The following NDST4 variants were observed in gnomAD, a reference collection of about 807,000 sequenced individuals.
NDST4 encodes N-deacetylase and N-sulfotransferase 4, also known as N-heparan sulfate sulfotransferase 4.
Under a neutral mutation model 100.8 loss-of-function variants are expected in NDST4, and 63 were observed. That is an observed-to-expected ratio of 0.62 (90% CI 0.51 to 0.77). The LOEUF is 0.77. Ranked by LOEUF, NDST4 falls within the 30% of genes least tolerant of loss-of-function variation. The probability of loss-of-function intolerance (pLI) is 0.00; values close to 1 mark genes in which losing one functional copy is unlikely to be tolerated. For synonymous variants in NDST4, 377 were observed against 361.8 expected (o/e 1.04, Z -0.48); for missense variants, 943 against 1,018.4 (o/e 0.93, Z 1.01).
At position 115,076,443 on chromosome 4, in the gene NDST4, T is replaced by C. The variant is rs752844171; in HGVS notation, c.594A>G (p.Gln198=). 9 of 1,613,900 alleles carry C rather than the reference T, an allele frequency of 5.6e-6. No individual in the cohort carries two copies. Among genetic ancestry groups the C allele is most frequent in the African/African-American group, 2.7e-5 (2 of 75,032 alleles). Residue 198 remains glutamine, a synonymous_variant, in exon 2 of 14, where the codon CAA becomes CAG. Coordinates refer to ENST00000264363, the MANE Select transcript of NDST4 (RefSeq NM_022569.3). ...LALKDCFVNP[Q]SPLLHITKAP... ...CTTTGGTAATATGCAGCAAAGGAGATTGAGGGTTAACAAAACAGTCCTTTA... is the reference window on the plus strand; with the variant it reads ...CTTTGGTAATATGCAGCAAAGGAGACTGAGGGTTAACAAAACAGTCCTTTA...
chr4:114,827,843 C>A lies in NDST4; in HGVS notation c.2592G>T (p.Leu864=). ...ATCTCACTTTCTGCAGTTCCTGTCT[C>A]AGCCACGATGGCAGAGGCTGTCCCA... ...HRLGQPLPSW[L]RQELQKVR The change falls in exon 14 of 14, where the codon CTG becomes CTT. Residue 864 remains leucine (L), a synonymous_variant. Transcript: ENST00000264363. 6.2e-7 allele frequency: 1 copy of A among 1,612,040 alleles called. No homozygotes were observed. Among genetic ancestry groups the A allele is most frequent in the South Asian group, 1.1e-5 (1 of 90,832 alleles).
chr4:115,009,015 C>T lies in NDST4; in HGVS notation c.979-31741G>A, dbSNP rs1313799192. ...CCTCTTCAAGGAGAACTACAAACCA[C>T]TGCTCAATGAAATAAAAGAGGATAC... is the stretch of plus-strand genomic sequence containing the variant. On this transcript the variant is annotated intron_variant, in intron 2 of 13. Transcript: ENST00000264363. Among the ~76,000 whole-genome samples the T allele has an allele frequency of 1.6e-5, 2 of 126,122 alleles. 1 individual carries two copies. Among genetic ancestry groups the T allele is most frequent in the African/African-American group, 6.0e-5 (2 of 33,208 alleles). 82.7% of individuals were successfully genotyped at this position (126,122 alleles called of 152,430 possible). A position where few individuals can be genotyped will look rare whatever the true frequency, so the allele number is the denominator to read the frequency against.
chr4:115,109,129 AAG>A (rs1388353367), intron 1 of NDST4, among the ~76,000 whole-genome samples: 1 of 151,670 alleles, frequency 6.6e-6, no homozygotes, highest in South Asian at 2.1e-4. Flanking sequence ...AGAATAGAAA[AAG>A]AGAGGAAGGG....
chr4:115,014,673 T>C (rs1053645503), intron 2 of NDST4, among the ~76,000 whole-genome samples: 3 of 151,948 alleles, frequency 2.0e-5, no homozygotes, highest in Admixed American at 1.3e-4. Context: ...GTGCTTGGAG[T>C]ATCGATGGCA....
intron 6 of NDST4, among the ~76,000 whole-genome samples, chr4:114,914,796 C>T (rs1287922691): frequency 1.3e-5 from 2 of 152,086 alleles, no homozygotes; most frequent in African/African-American, 4.8e-5. Flanking sequence ...CCAGTCCATG[C>T]TTTTAATCAC....
At chr4:114,860,626 C>T (rs1173362067) in intron 7 of NDST4, among the ~76,000 whole-genome samples, 2 of 152,172 alleles carry the variant, frequency 1.3e-5, no homozygotes, top group East Asian at 3.9e-4. Context: ...GTCTGAGCCC[C>T]TAGGTGATCA....
chr4:114,897,498 T>G (rs1724741337), intron 6 of NDST4, among the ~76,000 whole-genome samples: 1 of 152,206 alleles, frequency 6.6e-6, no homozygotes, highest in African/African-American at 2.4e-5. Context: ...ATCTTGTTTC[T>G]TCCAAGATTT....
At chr4:114,992,800 G>A (rs1055915925) in intron 2 of NDST4, among the ~76,000 whole-genome samples, 1 of 151,704 alleles carries the variant, frequency 6.6e-6, no homozygotes, top group African/African-American at 2.4e-5. Flanking sequence ...TGCTTAACCA[G>A]TCTCTAAATC....
At chr4:114,970,699 T>G in intron 3 of NDST4, 115 bp from the exon 4 acceptor site, 1 of 880,130 alleles carries the variant, frequency 1.1e-6, no homozygotes, top group East Asian at 2.7e-5. Flanking sequence ...TCCAATTCTG[T>G]GGGCTTTTTA....
At chr4:114,950,895 T>C (rs1725975794) in intron 4 of NDST4, among the ~76,000 whole-genome samples, 1 of 151,992 alleles carries the variant, frequency 6.6e-6, no homozygotes, top group Non-Finnish European at 1.5e-5. Context: ...TTATTCTTCA[T>C]GCATTCTCCC....
intron 7 of NDST4, among the ~76,000 whole-genome samples, chr4:114,855,796 A>G (rs28647687): frequency 0.044 from 6,629 of 152,172 alleles, 412 homozygotes; most frequent in South Asian, 0.18. Flanking sequence ...ATTATTTTTT[A>G]TATTTCTGTG....
At chr4:115,109,513 T>C (rs1729899177) in intron 1 of NDST4, among the ~76,000 whole-genome samples, 1 of 151,882 alleles carries the variant, frequency 6.6e-6, no homozygotes, top group African/African-American at 2.4e-5. Context: ...CTAAACAGAG[T>C]ACAAATTGGA....
At chr4:115,111,499 TA>T (rs1729951174) in intron 1 of NDST4, among the ~76,000 whole-genome samples, 1 of 151,674 alleles carries the variant, frequency 6.6e-6, no homozygotes, top group African/African-American at 2.4e-5. Context: ...ATAATATATT[TA>T]AAATTACACA....
At position 115,076,623 on chromosome 4, in the gene NDST4, C is replaced by A; in HGVS notation, c.414G>T (p.Lys138Asn). The change falls in exon 2 of 14, where the codon AAG becomes AAT. Residue 138 changes from lysine (K) to asparagine (N), a missense_variant. Physicochemically the swap from Lys to Asn is moderately conservative, Grantham distance 94. Transcript: ENST00000264363. ...YTLVIYENILKYVSMDSWNRE... is the reference protein window; with the variant it reads ...YTLVIYENILNYVSMDSWNRE... ...GATTCCATGAGTCCATGCTGACATACTTCAGAATATTTTCATAAATAACTA... is the reference window on the plus strand; with the variant it reads ...GATTCCATGAGTCCATGCTGACATAATTCAGAATATTTTCATAAATAACTA... The A allele has an allele frequency of 1.2e-6, 2 of 1,613,866 alleles. No homozygotes were observed. The highest frequency in any genetic ancestry group is 1.7e-6 in the Non-Finnish European group (2 of 1,179,876).
chr4:115,038,848 T>C (rs1284889569), intron 2 of NDST4, among the ~76,000 whole-genome samples: 5 of 152,046 alleles, frequency 3.3e-5, no homozygotes, highest in Admixed American at 1.3e-4. Context: ...TGATGGCCCA[T>C]GCCTGTGGTC....
chr4:114,950,130 G>A (rs981239655), intron 4 of NDST4, among the ~76,000 whole-genome samples: 1 of 151,988 alleles, frequency 6.6e-6, no homozygotes, highest in African/African-American at 2.4e-5. Context: ...TAGGGTACCT[G>A]AAGCTCTAAC....
At chr4:114,970,214 T>C (rs549877980) in intron 4 of NDST4, among the ~76,000 whole-genome samples, 1 of 152,184 alleles carries the variant, frequency 6.6e-6, no homozygotes, top group Non-Finnish European at 1.5e-5. Flanking sequence ...CTTTTTGAAA[T>C]ATATTTTCTA....
intron 6 of NDST4, among the ~76,000 whole-genome samples, chr4:114,903,292 A>C (rs1724885088): frequency 6.6e-6 from 1 of 152,108 alleles, no homozygotes; most frequent in African/African-American, 2.4e-5. Flanking sequence ...GCCATATTTC[A>C]AAATAATTAC....
At chr4:114,835,356 G>C (rs1020281385) in intron 11 of NDST4, among the ~76,000 whole-genome samples, 1 of 152,104 alleles carries the variant, frequency 6.6e-6, no homozygotes, top group Non-Finnish European at 1.5e-5. Context: ...CTTTATTTCT[G>C]CTTTAATTTT....
Sources: gnomAD v4.1 joint callset for allele counts (sites outside exome capture counted in the v4.1 genomes callset) on GRCh38, gnomAD v4.1.1 for gene constraint, MANE v1.5 for transcripts, NCBI Gene and HGNC (gene_info 2026-07-23, HGNC 2026-07-21) for gene names.